PI4KA: variants seen among roughly 807,000 people sequenced by gnomAD.
PI4KA encodes PI4-kinase alpha.
PI4KA carries 122 observed loss-of-function variants against 271.4 expected under a neutral mutation model. That is an observed-to-expected ratio of 0.45 (90% CI 0.39 to 0.52). The LOEUF is 0.52. Among genes scored for constraint, PI4KA ranks in the 20% least tolerant of loss-of-function variants. The probability of loss-of-function intolerance (pLI) is 0.00; values close to 1 mark genes in which losing one functional copy is unlikely to be tolerated. For synonymous variants in PI4KA, 1,041 were observed against 1,078.8 expected, an observed-to-expected ratio of 0.96 and a Z score of 0.69; for missense variants, 1,969 against 2,769.1, an observed-to-expected ratio of 0.71 and a Z score of 6.48.
intron 19 of PI4KA, among the ~76,000 whole-genome samples, chr22:20,791,034 A>T (rs1183556409): frequency 6.6e-6 from 1 of 152,130 alleles, no homozygotes; most frequent in Non-Finnish European, 1.5e-5. Flanking sequence ...CTCACACACG[A>T]TCCCACATGT....
chr22:20,854,587 CATGTCAGGGCTGCCTGAGTTACCA>C (rs1159740749), intron 1 of PI4KA, among the ~76,000 whole-genome samples: 1 of 152,058 alleles, frequency 6.6e-6, no homozygotes, highest in African/African-American at 2.4e-5. Context: ...TCACTAAAAC[CATGTCAGGGCTGCCTGAGTTACCA>C]ATGTCTGAGC....
At chr22:20,777,141 T>A (rs1170959267) in intron 19 of PI4KA, among the ~76,000 whole-genome samples, 1 of 151,954 alleles carries the variant, frequency 6.6e-6, no homozygotes, top group Admixed American at 6.6e-5. Flanking sequence ...CAGACTCAAG[T>A]GATCCTCCTA....
intron 1 of PI4KA, among the ~76,000 whole-genome samples, chr22:20,849,682 G>C (rs1214089498): frequency 6.6e-6 from 1 of 151,938 alleles, no homozygotes. Flanking sequence ...ATGAAACCCT[G>C]CCTCTACTAA....
chr22:20,747,449 G>T, intron 29 of PI4KA, 134 bp downstream of exon 29: 1 of 862,808 alleles, frequency 1.2e-6, no homozygotes, highest in Non-Finnish European at 1.7e-6. Flanking sequence ...CACTACCATT[G>T]TCAACAGACA....
intron 42 of PI4KA, among the ~76,000 whole-genome samples, chr22:20,723,435 C>T (rs577797854): frequency 6.6e-6 from 1 of 151,972 alleles, no homozygotes; most frequent in South Asian, 2.1e-4. Flanking sequence ...TGGTGGCACA[C>T]GCCTGTAATC....
At chr22:20,776,387 A>C (rs991697641) in intron 19 of PI4KA, among the ~76,000 whole-genome samples, 1 of 152,194 alleles carries the variant, frequency 6.6e-6, no homozygotes, top group Non-Finnish European at 1.5e-5. Context: ...AACTAGTGGC[A>C]CTGCAGCCTG....
chr22:20,776,731 C>T (rs1933315847), intron 19 of PI4KA, among the ~76,000 whole-genome samples: 1 of 151,932 alleles, frequency 6.6e-6, no homozygotes, highest in Non-Finnish European at 1.5e-5. Context: ...GTGACAGTGA[C>T]GAAAGGCTCA....
chr22:20,728,345 T>A (rs961574752), intron 39 of PI4KA, among the ~76,000 whole-genome samples: 2 of 152,262 alleles, frequency 1.3e-5, no homozygotes, highest in African/African-American at 4.8e-5. Context: ...ATTAGTGTTT[T>A]TTAAAAAGAG....
At position 20,747,696 on chromosome 22, in the gene PI4KA, G is replaced by A. The variant is rs761811312; in HGVS notation, c.3250C>T (p.Leu1084=). The change falls in exon 29 of 55, where the codon CTG becomes TTG. Residue 1084 remains leucine, a synonymous_variant. Transcript: ENST00000255882. ...TVTKSHLQEY[L]NKHQNWVSGL... Reference sequence around the variant, plus strand: ...GATACCCAGTTCTGATGTTTGTTCAGATATTCCTGAAATAGGAAAAACACA... The same window carrying A: ...GATACCCAGTTCTGATGTTTGTTCAAATATTCCTGAAATAGGAAAAACACA... 9 of 1,612,790 alleles carry A rather than the reference G, an allele frequency of 5.6e-6. No individual in the cohort carries two copies. The Admixed American group carries it at 1.3e-4, about 24-fold the overall frequency.
intron 27 of PI4KA, among the ~76,000 whole-genome samples, chr22:20,751,045 T>G (rs1347459707): frequency 6.6e-6 from 1 of 151,866 alleles, no homozygotes. Flanking sequence ...AGAACACAGC[T>G]GAGTCAACAT....
intron 7 of PI4KA, 79 bp from the exon 8 acceptor site, chr22:20,813,585 C>T (rs1425992082): frequency 4.6e-6 from 6 of 1,308,626 alleles, no homozygotes; most frequent in Non-Finnish European, 6.4e-6. Context: ...CCCCCAATAA[C>T]CAACAAAGGT....
intron 19 of PI4KA, among the ~76,000 whole-genome samples, chr22:20,780,933 G>A (rs1180199735): frequency 6.6e-6 from 1 of 152,160 alleles, no homozygotes; most frequent in Non-Finnish European, 1.5e-5. Context: ...CTGGATTTGA[G>A]TTTTCTCTTT....
At chr22:20,717,138 C>T (rs1055064515) in intron 45 of PI4KA, among the ~76,000 whole-genome samples, 4 of 151,996 alleles carry the variant, frequency 2.6e-5, no homozygotes, top group African/African-American at 4.8e-5. Context: ...CCCAGCTACT[C>T]GGGAGGCTGA....
In PI4KA at chr22:20,749,914, G is replaced by A. The variant is rs1930489314; in HGVS notation, c.3234C>T (p.Ser1078=). 6.2e-7 allele frequency: 1 copy of A among 1,603,128 alleles called. No homozygotes were observed. Among genetic ancestry groups the A allele is most frequent in the African/African-American group, 1.3e-5 (1 of 74,814 alleles). The change falls in exon 28 of 55, where the codon TCC becomes TCT. Residue 1078 remains serine, a synonymous_variant. Coordinates refer to ENST00000255882, the MANE Select transcript of PI4KA (RefSeq NM_058004.4). ...AMKWAPTVTK[S]HLQEYLNKHQ... ...TGATGGTTTCAAGTACCTGCAGGTG[G>A]GACTTGGTGACGGTAGGTGCCCACT...
At chr22:20,834,717 T>C (rs1924641428) in intron 2 of PI4KA, 62 bp from the exon 3 acceptor site, 1 of 1,060,698 alleles carries the variant, frequency 9.4e-7, no homozygotes, top group Non-Finnish European at 1.4e-6. Flanking sequence ...GGCAGCTTTT[T>C]AGCCCAGATT....
intron 23 of PI4KA, among the ~76,000 whole-genome samples, chr22:20,757,430 C>T (rs1158761302): frequency 2.0e-5 from 3 of 152,154 alleles, no homozygotes; most frequent in Admixed American, 2.0e-4. Flanking sequence ...TCTGATGTCA[C>T]AGGAACAGAA....
chr22:20,746,298 G>A (rs946807197), intron 29 of PI4KA, among the ~76,000 whole-genome samples: 19 of 151,864 alleles, frequency 1.3e-4, no homozygotes, highest in Non-Finnish European at 2.8e-4. Context: ...CACTGACCTC[G>A]TGATCCGCCC....
chr22:20,834,548 T>C lies in PI4KA; in HGVS notation c.367+14A>G. ...TTTTCTCTTATATTCAGGGAAAACA[T>C]TATATACAATTACCTCTGCCTTTCC... On this transcript the variant is annotated intron_variant, in intron 3 of 54. Transcript: ENST00000255882. 1.4e-6 allele frequency: 2 copies of C among 1,473,432 alleles called. No individual in the cohort carries two copies. The highest frequency in any genetic ancestry group is 1.9e-6 in the Non-Finnish European group (2 of 1,052,100). 91.3% of individuals were successfully genotyped at this position (1,473,432 alleles called of 1,614,324 possible). A position where few individuals can be genotyped will look rare whatever the true frequency, so the allele number is the denominator to read the frequency against.
intron 22 of PI4KA, among the ~76,000 whole-genome samples, chr22:20,763,796 T>C (rs189301929): frequency 6.6e-6 from 1 of 152,324 alleles, no homozygotes; most frequent in Admixed American, 6.5e-5. Flanking sequence ...CTTGGCTCTG[T>C]GGGACTTGGG....
Sources: allele counts gnomAD v4.1 joint callset (sites outside exome capture counted in the v4.1 genomes callset), GRCh38; gene constraint gnomAD v4.1.1; transcripts MANE v1.5; gene names NCBI Gene and HGNC (gene_info 2026-07-23, HGNC 2026-07-21).